The following SRPK2 variants were observed in gnomAD, a reference collection of about 807,000 sequenced individuals.
SRPK2 encodes SRSF protein kinase 2.
Under a neutral mutation model 90.8 loss-of-function variants are expected in SRPK2, and 21 were observed. That is an observed-to-expected ratio of 0.23 (90% CI 0.16 to 0.33). The LOEUF (loss-of-function observed/expected upper bound fraction) is 0.33, where lower values mean the gene tolerates loss of function less well. Ranked by LOEUF, SRPK2 falls within the 10% of genes least tolerant of loss-of-function variation. The pLI is 1.00. For synonymous variants in SRPK2, 288 were observed against 311.1 expected, an observed-to-expected ratio of 0.93 and a Z score of 0.78; for missense variants, 620 against 869.0, an observed-to-expected ratio of 0.71 and a Z score of 3.60.
intron 2 of SRPK2, among the ~76,000 whole-genome samples, chr7:105,363,072 G>A (rs940203723): frequency 4.6e-5 from 7 of 152,016 alleles, no homozygotes; most frequent in Admixed American, 3.3e-4. Flanking sequence ...AGCATTAGGA[G>A]ATATACTTAA....
intron 2 of SRPK2, among the ~76,000 whole-genome samples, chr7:105,372,134 C>CAT (rs529943452): frequency 1.7e-5 from 1 of 58,392 alleles, no homozygotes; most frequent in African/African-American, 7.1e-5. Flanking sequence ...GACTCCAACT[C>CAT]ATAAAAAAAA....
chr7:105,279,493 CT>C (rs1440276040), intron 2 of SRPK2, among the ~76,000 whole-genome samples: 8 of 152,132 alleles, frequency 5.3e-5, no homozygotes, highest in Admixed American at 4.6e-4. Context: ...CCTATTCCCC[CT>C]ACCCCCAGGA....
At chr7:105,290,729 G>C (rs1808859884) in intron 2 of SRPK2, among the ~76,000 whole-genome samples, 1 of 152,026 alleles carries the variant, frequency 6.6e-6, no homozygotes, top group African/African-American at 2.4e-5. Context: ...ATGAAATTTA[G>C]AATGACTTTG....
chr7:105,304,121 C>T (rs990779450), intron 2 of SRPK2, among the ~76,000 whole-genome samples: 1 of 152,176 alleles, frequency 6.6e-6, no homozygotes, highest in African/African-American at 2.4e-5. Context: ...AATGGCACTG[C>T]TAATGTAGCA....
At chr7:105,351,728 C>CG (rs1950203039) in intron 2 of SRPK2, among the ~76,000 whole-genome samples, 1 of 149,622 alleles carries the variant, frequency 6.7e-6, no homozygotes, top group Non-Finnish European at 1.5e-5. Context: ...CGCTTGAACC[C>CG]GGGGGGCGGA....
chr7:105,348,777 T>TA (rs903719858), intron 2 of SRPK2, among the ~76,000 whole-genome samples: 267 of 147,126 alleles, frequency 1.8e-3, no homozygotes, highest in Non-Finnish European at 2.5e-3. Flanking sequence ...TGATACACTT[T>TA]AAAAAAAAAA....
At chr7:105,258,508 T>C (rs970343521) in intron 2 of SRPK2, among the ~76,000 whole-genome samples, 2 of 151,620 alleles carry the variant, frequency 1.3e-5, no homozygotes, top group Non-Finnish European at 2.9e-5. Context: ...AATACTAATA[T>C]TTGGGATGTA....
At chr7:105,382,552 C>CAAAAAAAAA (rs71152969) in intron 2 of SRPK2, among the ~76,000 whole-genome samples, 1 of 75,906 alleles carries the variant, frequency 1.3e-5, no homozygotes, top group African/African-American at 5.3e-5. Flanking sequence ...AACTCCATCT[C>CAAAAAAAAA]AAAAAAAAAA....
chr7:105,275,753 T>C (rs547241742), intron 2 of SRPK2, among the ~76,000 whole-genome samples: 4 of 152,076 alleles, frequency 2.6e-5, no homozygotes, highest in Non-Finnish European at 5.9e-5. Flanking sequence ...GATACAGACA[T>C]CCTAGGAGAA....
At chr7:105,300,824 T>C (rs1810457032) in intron 2 of SRPK2, among the ~76,000 whole-genome samples, 1 of 152,196 alleles carries the variant, frequency 6.6e-6, no homozygotes, top group Admixed American at 6.5e-5. Flanking sequence ...AGATACCATC[T>C]CACACCAGTT....
At chr7:105,301,902 T>C in intron 2 of SRPK2, 6 of 1,604,814 alleles carry the variant, frequency 3.7e-6, no homozygotes, top group East Asian at 2.2e-5. Context: ...AGCAATATCA[T>C]CTCAATTGAA....
chr7:105,285,969 G>A (rs1341677711), intron 2 of SRPK2, among the ~76,000 whole-genome samples: 2 of 152,176 alleles, frequency 1.3e-5, no homozygotes, highest in African/African-American at 2.4e-5. Flanking sequence ...TATCAGACAT[G>A]CATCTATTTG....
chr7:105,326,036 G>A lies in SRPK2; in HGVS notation c.71+62612C>T, dbSNP rs144572085. Among the ~76,000 whole-genome samples the A allele has an allele frequency of 1.9e-3, 293 of 152,344 alleles. 4 individuals are homozygous for A. In the East Asian group the frequency reaches 0.052, roughly 27 times the overall value. The stretch of plus-strand genomic sequence containing the variant: ...ACTGCCCTACCGCACACGGGGACAC[G>A]GGTCTGGTGCGGAGAGCCATCATCC... On this transcript the variant is annotated intron_variant, in intron 2 of 15. Transcript: ENST00000393651.
At chr7:105,134,666 A>C (rs1404337124) in intron 11 of SRPK2, among the ~76,000 whole-genome samples, 3 of 152,232 alleles carry the variant, frequency 2.0e-5, no homozygotes, top group Non-Finnish European at 4.4e-5. Flanking sequence ...AGCAAGCCCC[A>C]TAAGAGGAAG....
intron 3 of SRPK2, among the ~76,000 whole-genome samples, chr7:105,192,184 T>G (rs1378778268): frequency 6.6e-6 from 1 of 152,176 alleles, no homozygotes; most frequent in Non-Finnish European, 1.5e-5. Flanking sequence ...GAACCCAGTC[T>G]GTAGTCTTTT....
chr7:105,302,225 A>T (rs749092643), intron 2 of SRPK2: 2 of 718,596 alleles, frequency 2.8e-6, no homozygotes, highest in Non-Finnish European at 4.9e-6. Context: ...AAAGGTTGTA[A>T]GTTGAAAGTT....
intron 2 of SRPK2, among the ~76,000 whole-genome samples, chr7:105,354,754 C>A (rs1282784118): frequency 1.3e-5 from 2 of 152,190 alleles, no homozygotes; most frequent in Non-Finnish European, 2.9e-5. Context: ...ATATAACTCA[C>A]ATGTACAATT....
chr7:105,209,037 C>G (rs969373845), intron 2 of SRPK2, among the ~76,000 whole-genome samples: 3 of 152,110 alleles, frequency 2.0e-5, no homozygotes, highest in Non-Finnish European at 4.4e-5. Flanking sequence ...CAACACTACA[C>G]CGTTATAAAA....
chr7:105,187,123 G>C (rs1474283219), intron 3 of SRPK2, among the ~76,000 whole-genome samples: 1 of 152,156 alleles, frequency 6.6e-6, no homozygotes, highest in African/African-American at 2.4e-5. Flanking sequence ...GGCTAAGTTT[G>C]AGGATAATTT....
Sources: allele counts gnomAD v4.1 joint callset (sites outside exome capture counted in the v4.1 genomes callset), GRCh38; gene constraint gnomAD v4.1.1; transcripts MANE v1.5; gene names NCBI Gene and HGNC (gene_info 2026-07-23, HGNC 2026-07-21).